Variants in PIK3AP1 observed in about 807,000 individuals in gnomAD.
PIK3AP1 encodes phosphoinositide 3-kinase adapter protein 1.
A neutral mutation model predicts 88.1 loss-of-function variants in PIK3AP1; 21 were observed. The observed-to-expected ratio is 0.24, with a 90% CI of 0.17 to 0.34. The LOEUF (loss-of-function observed/expected upper bound fraction) is 0.34, where lower values mean the gene tolerates loss of function less well. Among genes scored for constraint, PIK3AP1 ranks in the 10% least tolerant of loss-of-function variants. The probability of loss-of-function intolerance (pLI) is 1.00; values close to 1 mark genes in which losing one functional copy is unlikely to be tolerated. For missense variants in PIK3AP1, 828 were observed against 1,035.7 expected (o/e 0.80, Z 2.75); for synonymous variants, 398 against 400.0 (o/e 1.00, Z 0.06).
intron 2 of PIK3AP1, among the ~76,000 whole-genome samples, chr10:96,668,798 C>T (rs1832830881): frequency 6.6e-6 from 1 of 152,184 alleles, no homozygotes; most frequent in Admixed American, 6.5e-5. Context: ...GGCTGTGTTT[C>T]CTCTGCATTT....
At chr10:96,700,904 C>G in intron 2 of PIK3AP1, 1 of 984,722 alleles carries the variant, frequency 1.0e-6, no homozygotes, top group South Asian at 4.7e-5. Context: ...TGTGACGCGC[C>G]AAGGCCAGGC....
intron 13 of PIK3AP1, among the ~76,000 whole-genome samples, chr10:96,611,488 T>G (rs1262555691): frequency 6.6e-6 from 1 of 152,150 alleles, no homozygotes; most frequent in East Asian, 1.9e-4. Flanking sequence ...ATTGTTTGTT[T>G]GAGAAGGAAT....
chr10:96,682,335 C>T (rs1844014494), intron 2 of PIK3AP1, among the ~76,000 whole-genome samples: 1 of 151,854 alleles, frequency 6.6e-6, no homozygotes, highest in Non-Finnish European at 1.5e-5. Context: ...GGATGGGAAT[C>T]GTGACTGCAG....
At chr10:96,645,798 T>A (rs1187163269) in intron 7 of PIK3AP1, 136 bp from the exon 8 acceptor site, 1 of 705,900 alleles carries the variant, frequency 1.4e-6, no homozygotes, top group Non-Finnish European at 2.3e-6. Flanking sequence ...TGTGTATTTG[T>A]ATTTTCCCAC....
intron 2 of PIK3AP1, among the ~76,000 whole-genome samples, chr10:96,690,585 G>A (rs181569366): frequency 1.3e-3 from 203 of 152,160 alleles, no homozygotes; most frequent in African/African-American, 4.3e-3. Context: ...AACACTCCCC[G>A]TTCTTTCTCT....
chr10:96,608,087 C>T (rs1169039664), intron 14 of PIK3AP1, among the ~76,000 whole-genome samples: 1 of 152,192 alleles, frequency 6.6e-6, no homozygotes, highest in African/African-American at 2.4e-5. Flanking sequence ...ACAGTTTATT[C>T]TTCCCATCTT....
intron 2 of PIK3AP1, among the ~76,000 whole-genome samples, chr10:96,663,627 CAAAAAAAAAAAAA>C (rs373081849): frequency 3.5e-4 from 15 of 42,986 alleles, no homozygotes; most frequent in East Asian, 8.3e-4. Flanking sequence ...GAGACTCCGT[CAAAAAAAAAAAAA>C]AAAAAAAAAA....
At chr10:96,676,654 G>GA (rs1242180546) in intron 2 of PIK3AP1, among the ~76,000 whole-genome samples, 18 of 133,044 alleles carry the variant, frequency 1.4e-4, no homozygotes, top group Middle Eastern at 3.8e-3. Context: ...ATTTTCTGGG[G>GA]TTTTTTTTTT....
In PIK3AP1 at chr10:96,633,526, T is replaced by C. The variant is rs74151398; in HGVS notation, c.1376-5033A>G. On this transcript the variant is annotated intron_variant, in intron 8 of 16. Transcript: ENST00000339364. ...GTTGCCAAGTGCTTAGCACAGTATC[T>C]AGCACATAGGAAGTGCTGAAGGAAT... is the stretch of plus-strand genomic sequence containing the variant. Among the ~76,000 whole-genome samples, 782 of 152,360 alleles carry C rather than the reference T, an allele frequency of 5.1e-3. 10 individuals carry two copies. The highest frequency in any genetic ancestry group is 0.018 in the African/African-American group (749 of 41,576).
intron 2 of PIK3AP1, among the ~76,000 whole-genome samples, chr10:96,663,146 G>C (rs923365262): frequency 2.6e-5 from 4 of 152,054 alleles, no homozygotes; most frequent in Admixed American, 2.0e-4. Flanking sequence ...AGATTGGCAG[G>C]ATTGTGGGAC....
At chr10:96,662,915 A>AAAAAAG (rs1843711601) in intron 2 of PIK3AP1, among the ~76,000 whole-genome samples, 1 of 148,556 alleles carries the variant, frequency 6.7e-6, no homozygotes, top group African/African-American at 2.5e-5. Context: ...AAAAAAAAAA[A>AAAAAAG]AAGAGGGAAA....
chr10:96,711,004 T>C (rs1450574460), intron 1 of PIK3AP1, among the ~76,000 whole-genome samples: 1 of 152,206 alleles, frequency 6.6e-6, no homozygotes, highest in African/African-American at 2.4e-5. Flanking sequence ...CACAATACAA[T>C]CTGCAAGGTG....
intron 7 of PIK3AP1, among the ~76,000 whole-genome samples, chr10:96,646,693 G>A (rs980605805): frequency 2.0e-5 from 3 of 152,048 alleles, no homozygotes; most frequent in Admixed American, 1.3e-4. Context: ...TTCCAGCCTC[G>A]ATTTTATGTC....
rs748655490 is a variant in PIK3AP1 at position 96,626,786 on chromosome 10, G to A, written c.1591C>T (p.Pro531Ser). The A allele has an allele frequency of 6.2e-7, 1 of 1,614,232 alleles. No individual in the cohort carries two copies. Among genetic ancestry groups the A allele is most frequent in the South Asian group, 1.1e-5 (1 of 91,088 alleles). The change falls in exon 10 of 17, where the codon CCT becomes TCT. Residue 531 changes from proline (P) to serine (S), a missense_variant. Coordinates refer to ENST00000339364, the MANE Select transcript of PIK3AP1 (RefSeq NM_152309.3). The stretch of plus-strand genomic sequence containing the variant: ...GTCTCTGGTCTGGGCACTGGGACAG[G>A]GGGCCTGCTGGCCAGGTCCACAGAA... ...AFSVDLASRP[P>S]VPVPRPETTA...
chr10:96,693,441 GTGGATGGA>G (rs3979613), intron 2 of PIK3AP1, among the ~76,000 whole-genome samples: 2 of 150,650 alleles, frequency 1.3e-5, no homozygotes, highest in African/African-American at 2.4e-5. Flanking sequence ...AGATAGATGA[GTGGATGGA>G]TGGATGGATG....
In PIK3AP1 at chr10:96,662,928, C is replaced by G. The variant is rs7920382; in HGVS notation, c.431-5994G>C. Among the ~76,000 whole-genome samples, 276 of 136,764 alleles carry G rather than the reference C, an allele frequency of 2.0e-3. 1 individual carries two copies. Among genetic ancestry groups the G allele is most frequent in the African/African-American group, 7.1e-3 (261 of 36,544 alleles). 89.7% of individuals were successfully genotyped at this position (136,764 alleles called of 152,430 possible). ...AAAAAAAAAAAAAAAGAGGGAAACT[C>G]CATCTCAATAAATAAGTAAATTAAA... On this transcript the variant is annotated intron_variant, in intron 2 of 16. Coordinates refer to ENST00000339364, the MANE Select transcript of PIK3AP1 (RefSeq NM_152309.3).
At chr10:96,711,460 A>G (rs1442525694) in intron 1 of PIK3AP1, among the ~76,000 whole-genome samples, 1 of 152,222 alleles carries the variant, frequency 6.6e-6, no homozygotes, top group African/African-American at 2.4e-5. Context: ...CACAACAGGG[A>G]ACTCAGAGAA....
intron 9 of PIK3AP1, among the ~76,000 whole-genome samples, chr10:96,627,819 AT>A (rs1452596215): frequency 6.6e-6 from 1 of 152,216 alleles, no homozygotes; most frequent in Non-Finnish European, 1.5e-5. Context: ...ATAATAACTC[AT>A]TTAATTATCA....
intron 2 of PIK3AP1, among the ~76,000 whole-genome samples, chr10:96,678,349 C>T (rs915315743): frequency 1.3e-5 from 2 of 152,084 alleles, no homozygotes; most frequent in South Asian, 4.1e-4. Flanking sequence ...GCAAGAGAAT[C>T]GCTTGAACCC....
Sources: allele counts gnomAD v4.1 joint callset (sites outside exome capture counted in the v4.1 genomes callset), GRCh38; gene constraint gnomAD v4.1.1; transcripts MANE v1.5; gene names NCBI Gene and HGNC (gene_info 2026-07-23, HGNC 2026-07-21).